Variants in UGT1A10 observed in about 807,000 individuals in gnomAD.
UGT1A10 encodes UDP glucuronosyltransferase family 1 member A10.
Under a neutral mutation model 45.8 loss-of-function variants are expected in UGT1A10, and 49 were observed. That is an observed-to-expected ratio of 1.07 (90% CI 0.85 to 1.36). The LOEUF (loss-of-function observed/expected upper bound fraction) is 1.36. Among genes scored for constraint, UGT1A10 ranks in the 40% most tolerant of loss-of-function variants. The pLI, the probability that UGT1A10 is intolerant of heterozygous loss-of-function variation, is 0.00. For synonymous variants in UGT1A10, 284 were observed against 249.7 expected, an observed-to-expected ratio of 1.14 and a Z score of -1.29; for missense variants, 745 against 668.6, an observed-to-expected ratio of 1.11 and a Z score of -1.26.
At chr2:233,707,033 G>A (rs1432396998) in intron 1 of UGT1A10, among the ~76,000 whole-genome samples, 1 of 152,110 alleles carries the variant, frequency 6.6e-6, no homozygotes, top group Admixed American at 6.5e-5. Context: ...CAGCCCCCAA[G>A]GTAGAGGAAG....
At chr2:233,730,541 T>A (rs1015263117) in intron 1 of UGT1A10, among the ~76,000 whole-genome samples, 1 of 152,098 alleles carries the variant, frequency 6.6e-6, no homozygotes, top group African/African-American at 2.4e-5. Context: ...TTGGGATGGA[T>A]GTCTGTGATT....
chr2:233,725,317 C>CT lies in UGT1A10; in HGVS notation c.856-41717_856-41716insT, dbSNP rs1559370683. Among the ~76,000 whole-genome samples, 2 of 37,458 alleles carry CT rather than the reference C, an allele frequency of 5.3e-5. 1 individual carries two copies. Among genetic ancestry groups the CT allele is most frequent in the African/African-American group, 6.3e-4 (2 of 3,170 alleles). 24.6% of individuals were successfully genotyped at this position (37,458 alleles called of 152,430 possible). A position where few individuals can be genotyped will look rare whatever the true frequency, so the allele number is the denominator to read the frequency against. On this transcript the variant is annotated intron_variant, in intron 1 of 4. Coordinates refer to ENST00000344644, the MANE Select transcript of UGT1A10 (RefSeq NM_019075.4). ...GCAGAGGCAGAGGCAGAGGCAGAGGCGCCTGGTCAACAATCTTAAGTCCAA... is the reference window on the plus strand; with the variant it reads ...GCAGAGGCAGAGGCAGAGGCAGAGGCTGCCTGGTCAACAATCTTAAGTCCAA...
chr2:233,696,498 G>A (rs1420763959), intron 1 of UGT1A10, among the ~76,000 whole-genome samples: 3 of 152,050 alleles, frequency 2.0e-5, no homozygotes, highest in Non-Finnish European at 4.4e-5. Context: ...TACCGAATTT[G>A]CTTGTCAGTT....
chr2:233,697,864 A>G (rs2075414093), intron 1 of UGT1A10, among the ~76,000 whole-genome samples: 1 of 152,172 alleles, frequency 6.6e-6, no homozygotes, highest in Admixed American at 6.5e-5. Flanking sequence ...TTATGCATTT[A>G]TTTAATGATT....
At chr2:233,707,410 C>G (rs370050172) in intron 1 of UGT1A10, among the ~76,000 whole-genome samples, 97 of 152,270 alleles carry the variant, frequency 6.4e-4, no homozygotes, top group African/African-American at 2.3e-3. Context: ...TGTTCTCTCT[C>G]CCTCGACTAT....
chr2:233,733,184 C>T (rs531728542), intron 1 of UGT1A10, among the ~76,000 whole-genome samples: 42 of 152,276 alleles, frequency 2.8e-4, no homozygotes, highest in South Asian at 8.3e-4. Context: ...GCTGAAGTTG[C>T]TTATCAGCTT....
chr2:233,653,689 C>T (rs987575015), intron 1 of UGT1A10, among the ~76,000 whole-genome samples: 16 of 152,146 alleles, frequency 1.1e-4, no homozygotes, highest in Non-Finnish European at 1.8e-4. Context: ...ATCTGCTGCC[C>T]GAGTTCAAGC....
At chr2:233,700,614 G>T (rs554562712) in intron 1 of UGT1A10, among the ~76,000 whole-genome samples, 2 of 151,722 alleles carry the variant, frequency 1.3e-5, no homozygotes, top group Admixed American at 6.6e-5. Flanking sequence ...TTTTTTGGGG[G>T]GGTTCCAGTA....
At chr2:233,638,285 GA>G (rs1379777626) in intron 1 of UGT1A10, among the ~76,000 whole-genome samples, 1 of 152,004 alleles carries the variant, frequency 6.6e-6, no homozygotes, top group Non-Finnish European at 1.5e-5. Flanking sequence ...TATTACTTTA[GA>G]AACTATTTTG....
chr2:233,714,820 C>T (rs543886758), intron 1 of UGT1A10, among the ~76,000 whole-genome samples: 1 of 152,254 alleles, frequency 6.6e-6, no homozygotes, highest in Admixed American at 6.5e-5. Context: ...TAGTTAGTGA[C>T]AACAATATGG....
At chr2:233,665,295 T>C (rs2074050321) in intron 1 of UGT1A10, among the ~76,000 whole-genome samples, 1 of 152,250 alleles carries the variant, frequency 6.6e-6, no homozygotes. Context: ...TTAGGCATTT[T>C]CCAAATTTGT....
At chr2:233,712,885 A>G in intron 1 of UGT1A10, 1 of 1,601,938 alleles carries the variant, frequency 6.2e-7, no homozygotes, top group African/African-American at 1.3e-5. Flanking sequence ...CTTCAATTAC[A>G]TGTTGATTTG....
intron 1 of UGT1A10, among the ~76,000 whole-genome samples, chr2:233,669,070 G>A (rs952655787): frequency 1.3e-5 from 2 of 152,172 alleles, no homozygotes; most frequent in Non-Finnish European, 2.9e-5. Flanking sequence ...GCTTTCTTGC[G>A]AATGGATACC....
At chr2:233,747,315 A>G (rs1575682403) in intron 1 of UGT1A10, 17 of 1,603,040 alleles carry the variant, frequency 1.1e-5, no homozygotes, top group Admixed American at 6.7e-5. Flanking sequence ...TGCTGGTGGT[A>G]CCCATTGATG....
At chr2:233,698,967 G>A (rs771951485) in intron 1 of UGT1A10, among the ~76,000 whole-genome samples, 2 of 152,206 alleles carry the variant, frequency 1.3e-5, no homozygotes, top group Non-Finnish European at 2.9e-5. Context: ...CCTTGGGGAA[G>A]CCCTTTGGCC....
intron 1 of UGT1A10, chr2:233,743,913 C>T: frequency 7.3e-7 from 1 of 1,365,508 alleles, no homozygotes; most frequent in South Asian, 1.1e-5. Flanking sequence ...TAGTAGTCCA[C>T]CATGCTGGAT....
At chr2:233,642,597 G>C (rs376332610) in intron 1 of UGT1A10, among the ~76,000 whole-genome samples, 3 of 152,292 alleles carry the variant, frequency 2.0e-5, no homozygotes, top group South Asian at 2.1e-4. Flanking sequence ...CAGTGTCTGG[G>C]CATTGAAGAG....
chr2:233,724,360 G>C (rs1455285943), intron 1 of UGT1A10, among the ~76,000 whole-genome samples: 3 of 146,586 alleles, frequency 2.0e-5, no homozygotes, highest in Admixed American at 6.8e-5. Context: ...CCTCCCTCCC[G>C]GACGGGGTGG....
chr2:233,690,618 A>C, intron 1 of UGT1A10: 1 of 1,288,742 alleles, frequency 7.8e-7, no homozygotes, highest in Non-Finnish European at 1.0e-6. Flanking sequence ...TTGCCTGGAC[A>C]CTCAAGTGAT....
Sources: gnomAD v4.1 joint callset for allele counts (sites outside exome capture counted in the v4.1 genomes callset) on GRCh38, gnomAD v4.1.1 for gene constraint, MANE v1.5 for transcripts, NCBI Gene and HGNC (gene_info 2026-07-23, HGNC 2026-07-21) for gene names.